The following GAK variants were observed in gnomAD, a reference collection of about 807,000 sequenced individuals.
GAK encodes cyclin G associated kinase.
A neutral mutation model predicts 143.9 loss-of-function variants in GAK; 79 were observed. The observed-to-expected ratio is 0.55, with a 90% CI of 0.46 to 0.66. The LOEUF is 0.66. GAK is among the 30% of genes least tolerant of loss of function. GAK has a pLI of 0.00. For synonymous variants in GAK, 881 were observed against 765.5 expected, an observed-to-expected ratio of 1.15 and a Z score of -2.49; for missense variants, 1,693 against 1,779.7, an observed-to-expected ratio of 0.95 and a Z score of 0.88.
chr4:904,477 A>T (rs1165647437), intron 5 of GAK, among the ~76,000 whole-genome samples, 160 bp downstream of exon 5: 1 of 140,776 alleles, frequency 7.1e-6, no homozygotes. Context: ...CGCTACCTTG[A>T]GGTCCCTGTG....
In GAK at chr4:913,608, T is replaced by C; in HGVS notation, c.206A>G (p.Lys69Arg). The change falls in exon 2 of 28, where the codon AAG (lysine) becomes AGG (arginine). Residue 69 changes from lysine to arginine, a missense_variant and splice_region_variant. This residue lies in a region of GAK where 871 missense variants were observed against 991.0 expected (regional missense o/e 0.88). Transcript: ENST00000314167. ...AGAAGGCGTTAAATGGTTCATTACC[T>C]TTAATGCATACTCTCTGCCACTCCC... ...DVGSGREYAL[K>R]RLLSNEEEKN... The C allele has an allele frequency of 6.2e-7, 1 of 1,612,132 alleles. No homozygotes were observed. The highest frequency in any genetic ancestry group is 8.5e-7 in the Non-Finnish European group (1 of 1,178,208).
intron 23 of GAK, among the ~76,000 whole-genome samples, chr4:864,719 G>A (rs1202560467): frequency 3.9e-5 from 6 of 152,184 alleles, no homozygotes; most frequent in Non-Finnish European, 7.3e-5. Context: ...AAGACCCATG[G>A]GGTCGGCCTC....
At chr4:865,590 C>T (rs1219498749) in intron 22 of GAK, among the ~76,000 whole-genome samples, 5 of 152,222 alleles carry the variant, frequency 3.3e-5, no homozygotes, top group Non-Finnish European at 2.9e-5. Context: ...CACCAGAGCC[C>T]GAGGTGGCTC....
intron 24 of GAK, among the ~76,000 whole-genome samples, chr4:855,826 A>G (rs1309955048): frequency 1.3e-5 from 2 of 152,174 alleles, no homozygotes; most frequent in Non-Finnish European, 2.9e-5. Context: ...ATGGTGGTGC[A>G]TGCCTGTAAT....
chr4:926,990 A>C (rs1197907941), intron 1 of GAK, among the ~76,000 whole-genome samples: 1 of 13,268 alleles, frequency 7.5e-5, no homozygotes, highest in African/African-American at 3.5e-4. Flanking sequence ...ACTGCCCCGC[A>C]CCCCTCCCGG....
In GAK at chr4:850,076, A is replaced by T; in HGVS notation, c.3658-8T>A. ...CTCAATCCAGTCCAGGAGCTGCGGGAGACACGGAGCTTGCCGAGCCCTGGG... is the reference window on the plus strand; with the variant it reads ...CTCAATCCAGTCCAGGAGCTGCGGGTGACACGGAGCTTGCCGAGCCCTGGG... On this transcript the variant is annotated splice_polypyrimidine_tract_variant and splice_region_variant and intron_variant, in intron 26 of 27. Transcript: ENST00000314167. 6.4e-7 allele frequency: 1 copy of T among 1,561,648 alleles called. No homozygotes were observed. The highest frequency in any genetic ancestry group is 8.7e-7 in the Non-Finnish European group (1 of 1,145,514).
intron 11 of GAK, 86 bp downstream of exon 11, chr4:888,761 T>A (rs544231539): frequency 6.7e-7 from 1 of 1,499,724 alleles, no homozygotes; most frequent in Non-Finnish European, 9.0e-7. Context: ...TGACCAGCTG[T>A]TCCACCGCAG....
chr4:875,649 G>A (rs1244725465), intron 18 of GAK, among the ~76,000 whole-genome samples: 2 of 152,252 alleles, frequency 1.3e-5, no homozygotes, highest in East Asian at 1.9e-4. Context: ...GTTCCACTGT[G>A]TCTTGGCAGA....
At position 911,535 on chromosome 4, in the gene GAK, C is replaced by T. The variant is rs1319082204; in HGVS notation, c.382+138G>A. On this transcript the variant is annotated intron_variant, in intron 4 of 27. Transcript: ENST00000314167. ...TCACAGAACTACTGTCAGAGAGCTG[C>T]CCGCGCTTCCCGCTAAGACCAACAC... The T allele has an allele frequency of 1.2e-5, 7 of 588,664 alleles. No homozygotes were observed. In the Admixed American group the frequency reaches 1.4e-4, roughly 12 times the overall value. The allele number at this position is 588,664 out of a possible 1,614,324, so 36.5% of individuals were successfully genotyped here.
chr4:852,267 CTTG>C, intron 24 of GAK: 1 of 465,672 alleles, frequency 2.1e-6, no homozygotes. Context: ...AGACCCAGGG[CTTG>C]TCCACGGGGG....
Position 850,936 on chromosome 4 carries a change from C to T in GAK, c.3657G>A (p.Lys1219=). The change falls in exon 26 of 28, where the codon AAG becomes AAA. Residue 1219 remains lysine (K), a splice_region_variant and synonymous_variant. Coordinates refer to ENST00000314167, the MANE Select transcript of GAK (RefSeq NM_005255.4). ...LAKDTDPLKL[K]LLDWIEGKER... ...CAGGAAGAGCTGCCCACCCACCCAC[C>T]TTCAGCTTGAGTGGGTCCGTGTCTT... The T allele has an allele frequency of 6.2e-7, 1 of 1,612,140 alleles. No individual in the cohort carries two copies. The highest frequency in any genetic ancestry group is 8.5e-7 in the Non-Finnish European group (1 of 1,178,822).
At chr4:890,652 C>A (rs775415997) in intron 9 of GAK, 30 bp from the exon 10 acceptor site, 2 of 1,576,796 alleles carry the variant, frequency 1.3e-6, no homozygotes, top group South Asian at 2.3e-5. Context: ...GAGGTCAGTT[C>A]TCTAAACTGA....
chr4:877,164 C>T lies in GAK; in HGVS notation c.1900G>A (p.Val634Ile), dbSNP rs780164357. 8.7e-6 allele frequency: 14 copies of T among 1,613,986 alleles called. No homozygotes were observed. Among genetic ancestry groups the T allele is most frequent in the East Asian group, 2.2e-5 (1 of 44,870 alleles). Residue 634 changes from valine (V) to isoleucine (I), a missense_variant, in exon 17 of 28, where the codon GTC becomes ATC. Val to Ile is a conservative substitution (Grantham distance 29). Coordinates refer to ENST00000314167, the MANE Select transcript of GAK (RefSeq NM_005255.4). ...EDGKAVIPLG[V>I]TVQGDVLIVI... ...ATGAGCACGTCTCCTTGCACCGTGA[C>T]GCCCAGGGGAATCACCGCTTTGCCA...
chr4:897,101 G>C (rs1049776226), intron 6 of GAK, among the ~76,000 whole-genome samples: 1 of 152,156 alleles, frequency 6.6e-6, no homozygotes, highest in Non-Finnish European at 1.5e-5. Flanking sequence ...CTCCGTGCAT[G>C]GCAGACATGT....
At chr4:881,811 G>T in intron 15 of GAK, 96 bp downstream of exon 15, 1 of 1,378,150 alleles carries the variant, frequency 7.3e-7, no homozygotes, top group Non-Finnish European at 9.7e-7. Context: ...CGCCTGCAGC[G>T]GCACCGACTG....
At chr4:881,640 G>A (rs1281747628) in intron 15 of GAK, among the ~76,000 whole-genome samples, 4 of 152,230 alleles carry the variant, frequency 2.6e-5, no homozygotes, top group Non-Finnish European at 5.9e-5. Flanking sequence ...CACATACATG[G>A]CATTTGTCAG....
In GAK at chr4:888,900, C is replaced by A; in HGVS notation, c.1152G>T (p.Arg384=). The A allele has an allele frequency of 6.2e-7, 1 of 1,611,950 alleles. No homozygotes were observed. Among genetic ancestry groups the A allele is most frequent in the East Asian group, 2.2e-5 (1 of 44,824 alleles). The change falls in exon 11 of 28, where the codon CGG becomes CGT. Residue 384 remains arginine, a synonymous_variant. Coordinates refer to ENST00000314167, the MANE Select transcript of GAK (RefSeq NM_005255.4). ...AGGTGTCCTTGAGGTTGGTGAAGAG[C>A]CGCTCTGTCCCACCCCGCAGAATGT... ...FLDILRGGTE[R]LFTNLKDTSS... is the part of the protein sequence containing the mutation.
chr4:922,091 G>A (rs781693973), intron 1 of GAK, among the ~76,000 whole-genome samples: 2 of 152,202 alleles, frequency 1.3e-5, no homozygotes, highest in Non-Finnish European at 2.9e-5. Flanking sequence ...AGCCCCAGAT[G>A]ACCCTATGCG....
intron 4 of GAK, among the ~76,000 whole-genome samples, chr4:906,225 C>T (rs900793399): frequency 2.6e-5 from 4 of 152,224 alleles, no homozygotes; most frequent in African/African-American, 4.8e-5. Context: ...TCCTGGCAAC[C>T]GAGCCAGGCA....
Sources: gnomAD v4.1 joint callset for allele counts (sites outside exome capture counted in the v4.1 genomes callset) on GRCh38, gnomAD v4.1.1 for gene constraint, gnomAD v4.1.1 regional missense constraint, MANE v1.5 for transcripts, NCBI Gene and HGNC (gene_info 2026-07-23, HGNC 2026-07-21) for gene names.